The following CNTNAP3B variants were observed in gnomAD, a reference collection of about 807,000 sequenced individuals.
The protein encoded by CNTNAP3B is contactin-associated protein-like 3B.
A neutral mutation model predicts 108.9 loss-of-function variants in CNTNAP3B; 25 were observed. The observed-to-expected ratio is 0.23, with a 90% CI of 0.17 to 0.32. The LOEUF (loss-of-function observed/expected upper bound fraction) is 0.32. CNTNAP3B is among the 10% of genes least tolerant of loss of function. The pLI is 1.00. For synonymous variants in CNTNAP3B, 103 were observed against 473.4 expected (o/e 0.22, Z 10.16); for missense variants, 252 against 1,210.4 (o/e 0.21, Z 11.75).
intron 18 of CNTNAP3B, among the ~76,000 whole-genome samples, chr9:41,919,308 G>A (rs1406354703): frequency 2.0e-5 from 3 of 152,078 alleles, no homozygotes; most frequent in Non-Finnish European, 4.4e-5. Flanking sequence ...TAAAGATGAG[G>A]TTTCACCATG....
chr9:41,957,701 G>A (rs1173359285), intron 12 of CNTNAP3B, among the ~76,000 whole-genome samples: 3 of 152,090 alleles, frequency 2.0e-5, no homozygotes, highest in Non-Finnish European at 4.4e-5. Context: ...TTAAAGTCCT[G>A]GTCTGATAAT....
intron 7 of CNTNAP3B, among the ~76,000 whole-genome samples, chr9:41,995,495 G>T (rs1479338797): frequency 7.5e-6 from 1 of 134,124 alleles, no homozygotes; most frequent in Admixed American, 7.5e-5. Flanking sequence ...TATCACTTTG[G>T]GAGGCCAAGG....
intron 2 of CNTNAP3B, among the ~76,000 whole-genome samples, chr9:42,080,870 T>C (rs1310373121): frequency 1.7e-5 from 1 of 60,102 alleles, no homozygotes; most frequent in African/African-American, 6.9e-5. Context: ...TAAGTCAAGA[T>C]TATACATGTG....
At chr9:41,980,023 T>C (rs1166580550) in intron 9 of CNTNAP3B, 2 of 76,168 alleles carry the variant, frequency 2.6e-5, no homozygotes, top group Non-Finnish European at 4.5e-5. Flanking sequence ...ATGGATCTGA[T>C]GGAGGTTGGA....
chr9:41,915,893 T>C (rs1823504763), intron 18 of CNTNAP3B, among the ~76,000 whole-genome samples: 1 of 151,198 alleles, frequency 6.6e-6, no homozygotes, highest in Admixed American at 6.6e-5. Context: ...TTTATTTTCT[T>C]TAGTGATTGC....
intron 3 of CNTNAP3B, among the ~76,000 whole-genome samples, chr9:42,055,233 G>GA (rs1190148753): frequency 2.2e-5 from 3 of 137,126 alleles, no homozygotes; most frequent in Admixed American, 7.3e-5. Flanking sequence ...TACCCAGAGG[G>GA]AAAAAATGCT....
Position 42,117,959 on chromosome 9 carries a change from T to C in CNTNAP3B, c.85+11051A>G, listed in dbSNP as rs1828359222. Among the ~76,000 whole-genome samples the C allele has an allele frequency of 2.2e-5, 3 of 137,346 alleles. 1 individual carries two copies. Among genetic ancestry groups the C allele is most frequent in the Admixed American group, 2.2e-4 (3 of 13,790 alleles). The allele number at this position is 137,346 out of a possible 152,430, so 90.1% of individuals were successfully genotyped here. The stretch of plus-strand genomic sequence containing the variant: ...GATAAATTCCTCGACACATACATCC[T>C]CCCAAGACTAAACCAGGAAAAAGTT... On this transcript the variant is annotated intron_variant, in intron 1 of 23. Transcript: ENST00000377561.
intron 3 of CNTNAP3B, among the ~76,000 whole-genome samples, chr9:42,030,785 A>AGAGG (rs1564177840): frequency 2.3e-5 from 1 of 42,818 alleles, no homozygotes; most frequent in Non-Finnish European, 4.8e-5. Flanking sequence ...AGAGAGAGAG[A>AGAGG]TGTGTGCGAG....
chr9:42,126,421 T>C (rs1828572371), intron 1 of CNTNAP3B, among the ~76,000 whole-genome samples: 1 of 133,688 alleles, frequency 7.5e-6, no homozygotes, highest in Admixed American at 7.5e-5. Flanking sequence ...GACCTTTCAC[T>C]CAGTGCAAGT....
rs1243975563 is a variant in CNTNAP3B at position 42,129,042 on chromosome 9, T to C, written c.53A>G (p.Gln18Arg). 6.3e-7 allele frequency: 1 copy of C among 1,589,246 alleles called. No homozygotes were observed. The highest frequency in any genetic ancestry group is 1.7e-5 in the Admixed American group (1 of 58,458). Residue 18 changes from glutamine to arginine, a missense_variant, in exon 1 of 24, where the codon CAG becomes CGG. Transcript: ENST00000377561. ...VLKVLLLLPT[Q>R]TWSPVGAGNP... ...TCCTGCTCCTACGGGGCTCCAAGTCTGAGTGGGGAGAAGCAGCAGCACCTT... is the reference window on the plus strand; with the variant it reads ...TCCTGCTCCTACGGGGCTCCAAGTCCGAGTGGGGAGAAGCAGCAGCACCTT...
At position 41,987,397 on chromosome 9, in the gene CNTNAP3B, G is replaced by A. The variant is rs1407054013; in HGVS notation, c.1334-1086C>T. On this transcript the variant is annotated intron_variant, in intron 8 of 23. Coordinates refer to ENST00000377561, the MANE Select transcript of CNTNAP3B (RefSeq NM_001201380.3). ...AATCACTTGAACCTGGGAGGTGGAG[G>A]TTGCAGTATGCTGAGATCACACCAC... Among the ~76,000 whole-genome samples the A allele has an allele frequency of 2.2e-3, 89 of 40,840 alleles. 26 individuals are homozygous for A. The highest frequency in any genetic ancestry group is 5.2e-3 in the African/African-American group (87 of 16,766). 26.8% of individuals were successfully genotyped at this position (40,840 alleles called of 152,430 possible).
In CNTNAP3B at chr9:41,979,015, G is replaced by A. The variant is rs547886553; in HGVS notation, c.1477+7153C>T. Among the ~76,000 whole-genome samples the A allele has an allele frequency of 3.6e-4, 50 of 139,772 alleles. 10 individuals are homozygous for A. In the East Asian group the frequency reaches 8.7e-3, roughly 24 times the overall value. 91.7% of individuals were successfully genotyped at this position (139,772 alleles called of 152,430 possible). A position where few individuals can be genotyped will look rare whatever the true frequency, so the allele number is the denominator to read the frequency against. On this transcript the variant is annotated intron_variant, in intron 9 of 23. Coordinates refer to ENST00000377561, the MANE Select transcript of CNTNAP3B (RefSeq NM_001201380.3). ...AGCAGTGGGTGGTAAGGTCTGGGTC[G>A]GGTTCATCCCCAGGTGGGATGTGGG...
chr9:42,044,362 A>G (rs1339932499), intron 3 of CNTNAP3B, among the ~76,000 whole-genome samples: 1 of 150,798 alleles, frequency 6.6e-6, no homozygotes, highest in Non-Finnish European at 1.5e-5. Flanking sequence ...TACTGCAGTC[A>G]CTTTCTCTCA....
chr9:42,080,399 C>G lies in CNTNAP3B; in HGVS notation c.197-3337G>C, dbSNP rs969515972. On this transcript the variant is annotated intron_variant, in intron 2 of 23. Coordinates refer to ENST00000377561, the MANE Select transcript of CNTNAP3B (RefSeq NM_001201380.3). ...GATGTTGTAGACTCATGGTTACAAT[C>G]TGCAATCCCAGATGCATTTTAAGGG... is the stretch of plus-strand genomic sequence containing the variant. Among the ~76,000 whole-genome samples the G allele has an allele frequency of 4.3e-5, 6 of 139,986 alleles. 1 individual carries two copies. Among genetic ancestry groups the G allele is most frequent in the African/African-American group, 1.7e-4 (6 of 35,346 alleles). 91.8% of individuals were successfully genotyped at this position (139,986 alleles called of 152,430 possible).
intron 14 of CNTNAP3B, among the ~76,000 whole-genome samples, chr9:41,934,446 C>T (rs1338924918): frequency 1.3e-5 from 2 of 152,254 alleles, no homozygotes. Context: ...TGGTCTCGAT[C>T]TTCTGACCTT....
chr9:42,029,417 G>A (rs1435736501), intron 3 of CNTNAP3B, among the ~76,000 whole-genome samples: 2 of 126,220 alleles, frequency 1.6e-5, no homozygotes, highest in East Asian at 5.1e-4. Context: ...GTTTTTAGCA[G>A]AGAATAACAA....
intron 13 of CNTNAP3B, among the ~76,000 whole-genome samples, chr9:41,940,952 A>AG (rs1292035097): frequency 1.3e-5 from 2 of 152,412 alleles, no homozygotes; most frequent in South Asian, 2.1e-4. Context: ...TTGGAACATC[A>AG]GGAAAAAAAT....
intron 1 of CNTNAP3B, among the ~76,000 whole-genome samples, chr9:42,110,119 T>C (rs1258954426): frequency 8.1e-6 from 1 of 122,996 alleles, no homozygotes; most frequent in Non-Finnish European, 1.7e-5. Context: ...TGCCAGTTTA[T>C]GGTCATTTCT....
chr9:42,116,694 A>C lies in CNTNAP3B; in HGVS notation c.86-11955T>G, dbSNP rs1828326267. Among the ~76,000 whole-genome samples, 2 of 139,982 alleles carry C rather than the reference A, an allele frequency of 1.4e-5. 1 individual carries two copies. The highest frequency in any genetic ancestry group is 5.7e-5 in the African/African-American group (2 of 35,320). The allele number at this position is 139,982 out of a possible 152,430, so 91.8% of individuals were successfully genotyped here. A position where few individuals can be genotyped will look rare whatever the true frequency, so the allele number is the denominator to read the frequency against. ...AACAATATTAACCTTAAATGTAAATAGGCTAAATCCTCCAATTAAAAGACA... is the reference window on the plus strand; with the variant it reads ...AACAATATTAACCTTAAATGTAAATCGGCTAAATCCTCCAATTAAAAGACA... On this transcript the variant is annotated intron_variant, in intron 1 of 23. Transcript: ENST00000377561.
Sources: allele counts gnomAD v4.1 joint callset (sites outside exome capture counted in the v4.1 genomes callset), GRCh38; gene constraint gnomAD v4.1.1; transcripts MANE v1.5; gene names NCBI Gene and HGNC (gene_info 2026-07-23, HGNC 2026-07-21).